CLSTN1: variants seen among roughly 807,000 people sequenced by gnomAD.
CLSTN1 encodes the protein calsyntenin-1.
A neutral mutation model predicts 108.3 loss-of-function variants in CLSTN1; 28 were observed. The ratio of observed to expected loss-of-function variants is 0.26; its 90% CI spans 0.19 to 0.35. The LOEUF (loss-of-function observed/expected upper bound fraction) is 0.35. Among genes scored for constraint, CLSTN1 ranks in the 10% least tolerant of loss-of-function variants. CLSTN1 has a pLI of 1.00. For missense variants in CLSTN1, 1,157 were observed against 1,302.6 expected (o/e 0.89, Z 1.72); for synonymous variants, 524 against 534.9 (o/e 0.98, Z 0.28).
At chr1:9,821,554 C>G (rs186904828) in intron 1 of CLSTN1, among the ~76,000 whole-genome samples, 5 of 152,254 alleles carry the variant, frequency 3.3e-5, no homozygotes, top group African/African-American at 1.2e-4. Context: ...GCAGTCTGTA[C>G]GTAATCTAAC....
intron 1 of CLSTN1, among the ~76,000 whole-genome samples, chr1:9,813,804 A>G (rs1429941200): frequency 1.3e-5 from 2 of 152,120 alleles, no homozygotes; most frequent in East Asian, 1.9e-4. Flanking sequence ...AAAGTACTAT[A>G]TAAGAAACAT....
In CLSTN1 at chr1:9,744,600, T is replaced by C. The variant is rs750077489; in HGVS notation, c.1029A>G (p.Gly343=). The change falls in exon 8 of 19, where the codon GGA becomes GGG. Residue 343 remains glycine (G), a synonymous_variant. Coordinates refer to ENST00000377298, the MANE Select transcript of CLSTN1 (RefSeq NM_001009566.3). ...GCAGGCCCATGGTCCAGTTGAGGGA[T>C]CCACTCGGGGATGGCAGCAGCTCGG... ...GTAELLPSPS[G]SLNWTMGLPT... The C allele has an allele frequency of 6.2e-7, 1 of 1,613,196 alleles. No individual in the cohort carries two copies. The highest frequency in any genetic ancestry group is 8.5e-7 in the Non-Finnish European group (1 of 1,179,980).
At chr1:9,733,086 GC>G (rs1281865755) in intron 16 of CLSTN1, among the ~76,000 whole-genome samples, 1 of 152,086 alleles carries the variant, frequency 6.6e-6, no homozygotes, top group African/African-American at 2.4e-5. Context: ...ATCTCAAGAA[GC>G]CCCAGAGGCA....
chr1:9,775,516 A>T (rs1463514636), intron 1 of CLSTN1, among the ~76,000 whole-genome samples: 2 of 151,728 alleles, frequency 1.3e-5, no homozygotes, highest in South Asian at 4.2e-4. Flanking sequence ...CTAAGTGTCG[A>T]TGTCAGACGT....
At chr1:9,776,964 T>C (rs997396368) in intron 1 of CLSTN1, among the ~76,000 whole-genome samples, 5 of 152,046 alleles carry the variant, frequency 3.3e-5, no homozygotes, top group Non-Finnish European at 7.4e-5. Context: ...ATGCCTGTAA[T>C]CCCAGCGTGT....
chr1:9,744,565 T>C lies in CLSTN1; in HGVS notation c.1064A>G (p.Asn355Ser), dbSNP rs41300106. Reference sequence around the variant, plus strand: ...AAACACCTGGTCGCTGTCGTGGCCATTGTCGGTGGGCAGGCCCATGGTCCA... The same window carrying C: ...AAACACCTGGTCGCTGTCGTGGCCACTGTCGGTGGGCAGGCCCATGGTCCA... ...LNWTMGLPTDNGHDSDQVFEF... is the reference protein window; with the variant it reads ...LNWTMGLPTDSGHDSDQVFEF... The change falls in exon 8 of 19, where the codon AAT becomes AGT. Residue 355 changes from asparagine (N) to serine (S), a missense_variant. Asn to Ser is a conservative substitution (Grantham distance 46). Transcript: ENST00000377298. The C allele has an allele frequency of 5.7e-4, 925 of 1,613,420 alleles. 1 individual carries two copies. Among genetic ancestry groups the C allele is most frequent in the Non-Finnish European group, 7.0e-4 (830 of 1,179,946 alleles).
At chr1:9,752,276 T>C (rs1014115385) in intron 4 of CLSTN1, among the ~76,000 whole-genome samples, 2 of 152,154 alleles carry the variant, frequency 1.3e-5, no homozygotes, top group Non-Finnish European at 2.9e-5. Context: ...CCAGCTCAGT[T>C]ATCAAGAAAA....
chr1:9,767,651 A>G lies in CLSTN1; in HGVS notation c.214+5621T>C, dbSNP rs118106691. The stretch of plus-strand genomic sequence containing the variant: ...AGGCACTCAATAAACGTTAGATGCC[A>G]CCACCATCACCACCCTCCTCCTCAA... On this transcript the variant is annotated intron_variant, in intron 2 of 18. Coordinates refer to ENST00000377298, the MANE Select transcript of CLSTN1 (RefSeq NM_001009566.3). Among the ~76,000 whole-genome samples, 661 of 152,070 alleles carry G rather than the reference A, an allele frequency of 4.3e-3. 12 individuals are homozygous for G. The highest frequency in any genetic ancestry group is 0.043 in the East Asian group (223 of 5,190).
chr1:9,735,480 T>C lies in CLSTN1; in HGVS notation c.1870A>G (p.Thr624Ala), dbSNP rs1650634053. ...PTPGIRRLKI[T>A]STIKCFNEAT... is the part of the protein sequence containing the mutation. ...ATCAGGACGTACTTGATTGTGCTGGTGATTTTGAGTCTGCGAATTCCGGGC... is the reference window on the plus strand; with the variant it reads ...ATCAGGACGTACTTGATTGTGCTGGCGATTTTGAGTCTGCGAATTCCGGGC... Residue 624 changes from threonine to alanine, a missense_variant, in exon 13 of 19, where the codon ACC becomes GCC. Coordinates refer to ENST00000377298, the MANE Select transcript of CLSTN1 (RefSeq NM_001009566.3). 1 of 1,613,986 alleles carries C rather than the reference T, an allele frequency of 6.2e-7. No homozygotes were observed. Among genetic ancestry groups the C allele is most frequent in the African/African-American group, 1.3e-5 (1 of 74,890 alleles).
At position 9,734,012 on chromosome 1, in the gene CLSTN1, G is replaced by A; in HGVS notation, c.2241C>T (p.Gly747=). 2 of 1,614,112 alleles carry A rather than the reference G, an allele frequency of 1.2e-6. No homozygotes were observed. The highest frequency in any genetic ancestry group is 1.7e-6 in the Non-Finnish European group (2 of 1,180,038). The change falls in exon 15 of 19, where the codon GGC becomes GGT. Residue 747 remains glycine (G), a synonymous_variant. Transcript: ENST00000377298. The surrounding 1 kb of genome is among the most constrained non-coding windows in gnomAD (Gnocchi z 4.8). ...CCAGTTCAGAGCTGCTCACTTCAAT[G>A]CCCTTCTGCTGCAGGCGGGCCATGT... is the stretch of plus-strand genomic sequence containing the variant. ...EVDMARLQQK[G]IEVSSSELGM...
At chr1:9,783,055 G>GT (rs1653324042) in intron 1 of CLSTN1, among the ~76,000 whole-genome samples, 1 of 152,092 alleles carries the variant, frequency 6.6e-6, no homozygotes, top group Non-Finnish European at 1.5e-5. Context: ...AGTCTCACAA[G>GT]TAACGGGGAT....
chr1:9,747,094 C>T (rs955404377), intron 7 of CLSTN1, among the ~76,000 whole-genome samples: 5 of 147,232 alleles, frequency 3.4e-5, no homozygotes, highest in Non-Finnish European at 5.9e-5. Flanking sequence ...GCAGGAGAAT[C>T]GCTTGAACCC....
In CLSTN1 at chr1:9,749,598, A is replaced by G; in HGVS notation, c.848T>C (p.Val283Ala). Residue 283 changes from valine (V) to alanine (A), a missense_variant, in exon 7 of 19, where the codon GTC (valine) becomes GCC (alanine). Transcript: ENST00000377298. ...EYEPGTGALA[V>A]FPNIHLETCD... ...TGTCTCCAGGTGGATATTTGGAAAGACGGCCAACGCGCCGGTGCCCGGCTC... is the reference window on the plus strand; with the variant it reads ...TGTCTCCAGGTGGATATTTGGAAAGGCGGCCAACGCGCCGGTGCCCGGCTC... 1.9e-6 allele frequency: 3 copies of G among 1,614,196 alleles called. No homozygotes were observed. Among genetic ancestry groups the G allele is most frequent in the Non-Finnish European group, 2.5e-6 (3 of 1,180,030 alleles).
Position 9,731,239 on chromosome 1 carries a change from G to A in CLSTN1, c.2715C>T (p.Asp905=). 1 of 1,614,240 alleles carries A rather than the reference G, an allele frequency of 6.2e-7. No individual in the cohort carries two copies. The highest frequency in any genetic ancestry group is 8.5e-7 in the Non-Finnish European group (1 of 1,180,044). The change falls in exon 18 of 19, where the codon GAC becomes GAT. Residue 905 remains aspartate, a synonymous_variant. Coordinates refer to ENST00000377298, the MANE Select transcript of CLSTN1 (RefSeq NM_001009566.3). ...TGKENEMDWD[D]SALTITVNPM... is the part of the protein sequence containing the mutation. ...GGTTGACGGTGATGGTCAGGGCAGA[G>A]TCGTCCCAGTCCATCTCGTTCTCCT... is the stretch of plus-strand genomic sequence containing the variant.
At chr1:9,778,978 G>A (rs1036776417) in intron 1 of CLSTN1, among the ~76,000 whole-genome samples, 2 of 151,492 alleles carry the variant, frequency 1.3e-5, no homozygotes, top group Non-Finnish European at 2.9e-5. Flanking sequence ...TGCCAAGACC[G>A]TGCCATTGCA....
Position 9,821,875 on chromosome 1 carries a change from T to TA in CLSTN1, c.91+1767dup, listed in dbSNP as rs144987297. Among the ~76,000 whole-genome samples, 24 of 152,300 alleles carry TA rather than the reference T, an allele frequency of 1.6e-4. No homozygotes were observed. In the South Asian group the frequency reaches 3.1e-3, roughly 20 times the overall value. ...TACTGTAACTGCACCAAGAAAAACT[T>TA]AGAGAAAGCAAATTACAAATGACTC... On this transcript the variant is annotated intron_variant, in intron 1 of 18. Coordinates refer to ENST00000377298, the MANE Select transcript of CLSTN1 (RefSeq NM_001009566.3).
At chr1:9,807,554 A>AATAT (rs1654558224) in intron 1 of CLSTN1, among the ~76,000 whole-genome samples, 2 of 152,222 alleles carry the variant, frequency 1.3e-5, no homozygotes, top group Non-Finnish European at 2.9e-5. Context: ...GCAATATTTC[A>AATAT]GTTAAATTCT....
intron 1 of CLSTN1, among the ~76,000 whole-genome samples, chr1:9,803,115 G>A (rs553591964): frequency 2.6e-5 from 4 of 152,088 alleles, no homozygotes; most frequent in South Asian, 2.1e-4. Flanking sequence ...AAGCCACCAC[G>A]CCCAGCTAAA....
At chr1:9,760,690 T>G (rs1353433472) in intron 2 of CLSTN1, among the ~76,000 whole-genome samples, 3 of 143,010 alleles carry the variant, frequency 2.1e-5, no homozygotes, top group Non-Finnish European at 4.7e-5. Flanking sequence ...CCGGGTTTTT[T>G]TTTTTTTTTT....
Sources: allele counts gnomAD v4.1 joint callset (sites outside exome capture counted in the v4.1 genomes callset), GRCh38; gene constraint gnomAD v4.1.1; non-coding constraint Gnocchi (gnomAD v3.1); transcripts MANE v1.5; gene names NCBI Gene and HGNC (gene_info 2026-07-23, HGNC 2026-07-21).